The following MYRIP variants were observed in gnomAD, a reference collection of about 807,000 sequenced individuals.
MYRIP encodes the protein myosin VIIA and Rab interacting protein.
MYRIP carries 49 observed loss-of-function variants against 98.0 expected under a neutral mutation model. That is an observed-to-expected ratio of 0.50 (90% CI 0.40 to 0.63). MYRIP has a LOEUF of 0.63. Ranked by LOEUF, MYRIP falls within the 30% of genes least tolerant of loss-of-function variation. The pLI, the probability that MYRIP is intolerant of heterozygous loss-of-function variation, is 0.00. For missense variants in MYRIP, 1,004 were observed against 1,058.2 expected, an observed-to-expected ratio of 0.95 and a Z score of 0.71; for synonymous variants, 404 against 409.5, an observed-to-expected ratio of 0.99 and a Z score of 0.16.
intron 2 of MYRIP, among the ~76,000 whole-genome samples, chr3:39,971,084 G>A (rs960938705): frequency 2.6e-5 from 4 of 152,008 alleles, no homozygotes; most frequent in African/African-American, 9.7e-5. Context: ...TTAGAGAAGT[G>A]ACAAAACAAA....
At chr3:40,184,180 G>A (rs1471626557) in intron 9 of MYRIP, among the ~76,000 whole-genome samples, 1 of 151,312 alleles carries the variant, frequency 6.6e-6, no homozygotes, top group Non-Finnish European at 1.5e-5. Context: ...TCATATTCTC[G>A]CTCTCTCTCT....
intron 11 of MYRIP, among the ~76,000 whole-genome samples, chr3:40,229,428 A>G (rs1328752322): frequency 2.0e-5 from 3 of 152,206 alleles, no homozygotes; most frequent in Non-Finnish European, 4.4e-5. Context: ...CACTGGGACC[A>G]CTGAAATGGC....
chr3:40,072,822 G>A (rs1259841297), intron 3 of MYRIP, among the ~76,000 whole-genome samples: 1 of 68,344 alleles, frequency 1.5e-5, no homozygotes, highest in Non-Finnish European at 3.3e-5. Flanking sequence ...TAAACATGGT[G>A]TGTTCTTTTT....
rs185531790 is a variant in MYRIP, at chr3:39,968,977, T to A, written c.110+68051T>A. On this transcript the variant is annotated intron_variant, in intron 2 of 16. Coordinates refer to ENST00000302541, the MANE Select transcript of MYRIP (RefSeq NM_015460.4). ...CATGAGCATGGAATGTTTTTCCATTTGTTTCCATCTTCTCTGACTTCTTTG... is the reference window on the plus strand; with the variant it reads ...CATGAGCATGGAATGTTTTTCCATTAGTTTCCATCTTCTCTGACTTCTTTG... Among the ~76,000 whole-genome samples the A allele has an allele frequency of 5.9e-5, 9 of 152,326 alleles. No homozygotes were observed. In the East Asian group the frequency reaches 1.4e-3, roughly 23 times the overall value.
intron 3 of MYRIP, among the ~76,000 whole-genome samples, chr3:40,095,444 C>T (rs1395856456): frequency 3.9e-5 from 6 of 152,264 alleles, no homozygotes; most frequent in South Asian, 2.1e-4. Flanking sequence ...CCAGAGCCCA[C>T]GAGCCTGGCC....
At chr3:40,255,200 G>A (rs1953535952) in intron 16 of MYRIP, among the ~76,000 whole-genome samples, 1 of 152,180 alleles carries the variant, frequency 6.6e-6, no homozygotes. Flanking sequence ...TGTCAGGGAA[G>A]GAATTGGTTA....
intron 2 of MYRIP, among the ~76,000 whole-genome samples, chr3:40,041,530 G>A (rs1048010429): frequency 1.3e-5 from 2 of 149,616 alleles, no homozygotes; most frequent in Non-Finnish European, 1.5e-5. Context: ...AGGAACATTC[G>A]ACAAAATAGC....
intron 3 of MYRIP, among the ~76,000 whole-genome samples, chr3:40,136,821 T>C (rs917814968): frequency 1.3e-5 from 2 of 152,210 alleles, no homozygotes; most frequent in South Asian, 2.1e-4. Context: ...AATAAATATG[T>C]TCTTTGAAAC....
chr3:40,087,313 C>T (rs1291460990), intron 3 of MYRIP, among the ~76,000 whole-genome samples: 1 of 152,146 alleles, frequency 6.6e-6, no homozygotes, highest in Non-Finnish European at 1.5e-5. Context: ...GTGAGAGGCA[C>T]ATGCAAGGGG....
intron 1 of MYRIP, among the ~76,000 whole-genome samples, chr3:39,879,818 C>G (rs1300278617): frequency 3.9e-5 from 6 of 152,106 alleles, no homozygotes; most frequent in Non-Finnish European, 8.8e-5. Flanking sequence ...GGTCTGGGAT[C>G]AGACAAGGAT....
chr3:39,964,307 A>G (rs1238451791), intron 2 of MYRIP, among the ~76,000 whole-genome samples: 1 of 152,156 alleles, frequency 6.6e-6, no homozygotes, highest in Non-Finnish European at 1.5e-5. Flanking sequence ...ACATGATAAT[A>G]TAGCAGGTAA....
intron 3 of MYRIP, among the ~76,000 whole-genome samples, chr3:40,129,121 T>C (rs118141314): frequency 6.6e-6 from 1 of 151,736 alleles, no homozygotes; most frequent in African/African-American, 2.4e-5. Flanking sequence ...ACTAAGTGGA[T>C]TGTGGTCAAA....
chr3:39,945,309 CAAAAAAAAA>C (rs57600928), intron 2 of MYRIP, among the ~76,000 whole-genome samples: 4 of 42,948 alleles, frequency 9.3e-5, no homozygotes, highest in Admixed American at 3.8e-4. Context: ...ATCTCTACTA[CAAAAAAAAA>C]AAAAAAAAAA....
intron 9 of MYRIP, among the ~76,000 whole-genome samples, chr3:40,184,072 T>C (rs1486758935): frequency 6.6e-6 from 1 of 152,244 alleles, no homozygotes; most frequent in African/African-American, 2.4e-5. Flanking sequence ...TTTACTTATG[T>C]ATATGGTGTT....
intron 1 of MYRIP, among the ~76,000 whole-genome samples, chr3:39,883,649 TA>T (rs1177628969): frequency 6.6e-6 from 1 of 151,530 alleles, no homozygotes; most frequent in Admixed American, 6.6e-5. Context: ...TGAAATTATA[TA>T]AAAAAAGAAA....
intron 1 of MYRIP, among the ~76,000 whole-genome samples, chr3:39,850,751 T>C (rs767173685): frequency 2.0e-5 from 3 of 152,188 alleles, no homozygotes; most frequent in Non-Finnish European, 4.4e-5. Context: ...TAATTTCAAA[T>C]GTAGCCAGCT....
At chr3:39,866,165 G>C (rs1241595995) in intron 1 of MYRIP, among the ~76,000 whole-genome samples, 1 of 152,016 alleles carries the variant, frequency 6.6e-6, no homozygotes, top group African/African-American at 2.4e-5. Context: ...AGACACTGGG[G>C]CCTACTTGAG....
chr3:39,928,327 C>T (rs187533592), intron 2 of MYRIP, among the ~76,000 whole-genome samples: 142 of 151,040 alleles, frequency 9.4e-4, no homozygotes, highest in African/African-American at 2.4e-3. Context: ...TTCCATAAAA[C>T]TAGTATTACC....
At chr3:40,048,315 C>A (rs1196948000) in intron 3 of MYRIP, among the ~76,000 whole-genome samples, 1 of 152,110 alleles carries the variant, frequency 6.6e-6, no homozygotes, top group African/African-American at 2.4e-5. Flanking sequence ...ATTTTTGCTA[C>A]ATTGGTTTAA....
Sources: gnomAD v4.1 joint callset for allele counts (sites outside exome capture counted in the v4.1 genomes callset) on GRCh38, gnomAD v4.1.1 for gene constraint, MANE v1.5 for transcripts, NCBI Gene and HGNC (gene_info 2026-07-23, HGNC 2026-07-21) for gene names.